The following PPME1 variants were observed in gnomAD, a reference collection of about 807,000 sequenced individuals.
PPME1 encodes the protein testicular secretory protein Li 39.
In PPME1, 17 loss-of-function variants were observed where a neutral mutation model predicts 56.9. The observed-to-expected ratio is 0.30, with a 90% CI of 0.20 to 0.45. The LOEUF (loss-of-function observed/expected upper bound fraction) is 0.45. Ranked by LOEUF, PPME1 falls within the 20% of genes least tolerant of loss-of-function variation. PPME1 has a pLI of 1.00. For missense variants in PPME1, 357 were observed against 483.2 expected, an observed-to-expected ratio of 0.74 and a Z score of 2.45; for synonymous variants, 122 against 156.2, an observed-to-expected ratio of 0.78 and a Z score of 1.63.
intron 1 of PPME1, among the ~76,000 whole-genome samples, chr11:74,176,280 T>C (rs1181571981): frequency 6.6e-6 from 1 of 152,200 alleles, no homozygotes; most frequent in Non-Finnish European, 1.5e-5. Flanking sequence ...TAGATAGTCT[T>C]TCATCCATCT....
intron 8 of PPME1, chr11:74,238,154 GTTTC>G (rs1859244372): frequency 6.7e-6 from 1 of 150,208 alleles, no homozygotes; most frequent in Admixed American, 6.6e-5. Flanking sequence ...CAAAGCATAT[GTTTC>G]TTTGTTACAC....
At chr11:74,196,159 A>T (rs1451039343) in intron 1 of PPME1, among the ~76,000 whole-genome samples, 1 of 152,254 alleles carries the variant, frequency 6.6e-6, no homozygotes. Flanking sequence ...ATCTGACTTC[A>T]GAGCCCATGT....
At chr11:74,201,840 G>A (rs552785925) in intron 1 of PPME1, among the ~76,000 whole-genome samples, 5 of 152,278 alleles carry the variant, frequency 3.3e-5, no homozygotes, top group Admixed American at 2.6e-4. Context: ...GGCATGCCAT[G>A]TTATCGTTAT....
At chr11:74,213,753 G>A (rs1858543977) in intron 3 of PPME1, among the ~76,000 whole-genome samples, 1 of 152,246 alleles carries the variant, frequency 6.6e-6, no homozygotes, top group South Asian at 2.1e-4. Context: ...CTGTGAGTCT[G>A]CAAGAGCTAG....
chr11:74,178,832 A>G (rs1244204605), intron 1 of PPME1, among the ~76,000 whole-genome samples: 1 of 151,770 alleles, frequency 6.6e-6, no homozygotes, highest in Non-Finnish European at 1.5e-5. Context: ...TGAGCCTTCC[A>G]TGTTATGCTA....
Position 74,230,497 on chromosome 11 carries a change from T to A in PPME1, c.553+98T>A. The stretch of plus-strand genomic sequence containing the variant: ...CTTAGTTTATTGTTGATTTCATTCA[T>A]CTTGAAATATGTCCCTCTGTCTTTA... On this transcript the variant is annotated intron_variant, in intron 6 of 13. Coordinates refer to ENST00000328257, the MANE Select transcript of PPME1 (RefSeq NM_016147.3). This position sits in a 1 kb window ranked among gnomAD's most constrained non-coding sequence, Gnocchi z 4.9. The A allele has an allele frequency of 3.0e-6, 4 of 1,312,440 alleles. No homozygotes were observed. The highest frequency in any genetic ancestry group is 4.3e-6 in the Non-Finnish European group (4 of 929,630). The allele number at this position is 1,312,440 out of a possible 1,614,324, so 81.3% of individuals were successfully genotyped here.
chr11:74,205,082 C>T (rs1858293842), intron 3 of PPME1: 2 of 152,198 alleles, frequency 1.3e-5, no homozygotes, highest in African/African-American at 4.8e-5. Flanking sequence ...GAGAACCAGA[C>T]ATTTTATTTA....
At chr11:74,213,784 T>C (rs962830360) in intron 3 of PPME1, among the ~76,000 whole-genome samples, 5 of 152,256 alleles carry the variant, frequency 3.3e-5, no homozygotes, top group African/African-American at 1.2e-4. Flanking sequence ...TGCCCCCTAA[T>C]GCAGCTATGG....
Position 74,171,335 on chromosome 11 carries a change from G to A in PPME1, c.-87G>A. On this transcript the variant is annotated 5_prime_UTR_variant, in exon 1 of 14. Coordinates refer to ENST00000328257, the MANE Select transcript of PPME1 (RefSeq NM_016147.3). Reference sequence around the variant, plus strand: ...TCCAAAGGCGACAGGGCGTCGTTAGGGGAGCGAGTCGTGACCGGTTGGGCC... The same window carrying A: ...TCCAAAGGCGACAGGGCGTCGTTAGAGGAGCGAGTCGTGACCGGTTGGGCC... The A allele has an allele frequency of 2.0e-6, 3 of 1,520,962 alleles. 1 individual carries two copies. The highest frequency in any genetic ancestry group is 2.7e-6 in the Non-Finnish European group (3 of 1,131,622). The allele number at this position is 1,520,962 out of a possible 1,614,324, so 94.2% of individuals were successfully genotyped here.
intron 1 of PPME1, among the ~76,000 whole-genome samples, chr11:74,172,088 G>A (rs1199749257): frequency 6.6e-6 from 1 of 152,220 alleles, no homozygotes; most frequent in Non-Finnish European, 1.5e-5. Flanking sequence ...TCCCAGAGGT[G>A]TAAAGACAGA....
intron 1 of PPME1, among the ~76,000 whole-genome samples, chr11:74,184,500 A>C (rs1311482560): frequency 6.6e-6 from 1 of 152,198 alleles, no homozygotes; most frequent in Admixed American, 6.5e-5. Flanking sequence ...TGGGAATTCT[A>C]ATCTTTTGTG....
intron 1 of PPME1, among the ~76,000 whole-genome samples, chr11:74,201,469 C>T (rs1858165052): frequency 6.6e-6 from 1 of 152,034 alleles, no homozygotes. Flanking sequence ...TGCACTTAAG[C>T]CTTATTACTT....
At chr11:74,239,389 G>A in intron 9 of PPME1, 133 bp downstream of exon 9, 2 of 1,366,848 alleles carry the variant, frequency 1.5e-6, no homozygotes, top group Admixed American at 5.7e-5. Context: ...ACTATCATAA[G>A]AGATACTTAG....
intron 5 of PPME1, among the ~76,000 whole-genome samples, chr11:74,228,330 C>A (rs1373059212): frequency 6.6e-6 from 1 of 152,172 alleles, no homozygotes; most frequent in Non-Finnish European, 1.5e-5. Flanking sequence ...CTAAAGACCA[C>A]ATATTATCGA....
chr11:74,251,428 A>C, intron 12 of PPME1: 1 of 1,399,416 alleles, frequency 7.1e-7, no homozygotes, highest in Non-Finnish European at 9.3e-7. Context: ...CCTTCACGTC[A>C]TTCCTCTTGA....
chr11:74,202,432 A>G (rs1050147655), intron 1 of PPME1, among the ~76,000 whole-genome samples: 6 of 152,210 alleles, frequency 3.9e-5, no homozygotes, highest in African/African-American at 1.4e-4. Context: ...GAAAGAATAT[A>G]TCCCTTCCTA....
In PPME1 at chr11:74,230,808, T is replaced by C; in HGVS notation, c.554-104T>C. 1.1e-6 allele frequency: 1 copy of C among 916,220 alleles called. No individual in the cohort carries two copies. Among genetic ancestry groups the C allele is most frequent in the East Asian group, 2.7e-5 (1 of 37,632 alleles). 56.8% of individuals were successfully genotyped at this position (916,220 alleles called of 1,614,324 possible). A position where few individuals can be genotyped will look rare whatever the true frequency, so the allele number is the denominator to read the frequency against. On this transcript the variant is annotated intron_variant, in intron 6 of 13. Coordinates refer to ENST00000328257, the MANE Select transcript of PPME1 (RefSeq NM_016147.3). The surrounding 1 kb of genome is among the most constrained non-coding windows in gnomAD (Gnocchi z 4.9). ...ATCTTTATTTCTCTGCGAGCATCAC[T>C]AAATTCTGCTGTCATCAAGAGCAGA...
intron 1 of PPME1, among the ~76,000 whole-genome samples, chr11:74,182,043 G>T (rs1178868375): frequency 6.6e-6 from 1 of 152,160 alleles, no homozygotes; most frequent in Non-Finnish European, 1.5e-5. Context: ...TAGGTGGTGG[G>T]CTGGATTTCC....
intron 8 of PPME1, 178 bp from the exon 9 acceptor site, chr11:74,238,955 G>C: frequency 1.6e-6 from 1 of 613,704 alleles, no homozygotes; most frequent in South Asian, 2.2e-5. Flanking sequence ...TTGGAGAATA[G>C]TTATACATTG....
Sources: gnomAD v4.1 joint callset for allele counts (sites outside exome capture counted in the v4.1 genomes callset) on GRCh38, gnomAD v4.1.1 for gene constraint, Gnocchi (gnomAD v3.1) non-coding constraint, MANE v1.5 for transcripts, NCBI Gene and HGNC (gene_info 2026-07-23, HGNC 2026-07-21) for gene names.